Variants in TPRG1 observed in about 807,000 individuals in gnomAD.
TPRG1 encodes tumor protein p63 regulated 1, also known as tumor protein p63-regulated gene 1 protein.
In TPRG1, 29 loss-of-function variants were observed where a neutral mutation model predicts 29.3. The observed-to-expected ratio is 0.99, with a 90% CI of 0.74 to 1.35. The LOEUF is 1.35. TPRG1 is among the 40% of genes most tolerant of loss of function. The probability of loss-of-function intolerance (pLI) is 0.00; values close to 1 mark genes in which losing one functional copy is unlikely to be tolerated. For missense variants in TPRG1, 327 were observed against 335.0 expected, an observed-to-expected ratio of 0.98 and a Z score of 0.19; for synonymous variants, 130 against 116.8, an observed-to-expected ratio of 1.11 and a Z score of -0.73.
chr3:189,261,796 A>T (rs531454537), intron 4 of TPRG1, among the ~76,000 whole-genome samples: 1 of 152,338 alleles, frequency 6.6e-6, no homozygotes, highest in East Asian at 1.9e-4. Context: ...TTATTACGGG[A>T]TGAGCCAAAC....
intron 4 of TPRG1, among the ~76,000 whole-genome samples, chr3:189,309,584 C>T (rs1391434826): frequency 6.6e-6 from 1 of 152,144 alleles, no homozygotes; most frequent in Non-Finnish European, 1.5e-5. Context: ...TTCTGATGGA[C>T]ACATGCAAAA....
At chr3:189,016,037 G>A (rs1712915474) in intron 3 of TPRG1, among the ~76,000 whole-genome samples, 1 of 152,020 alleles carries the variant, frequency 6.6e-6, no homozygotes, top group Admixed American at 6.6e-5. Context: ...TCCAATAACA[G>A]CTTGCACCGT....
Position 189,320,774 on chromosome 3 carries a change from G to C in TPRG1, c.782G>C (p.Arg261Pro). The C allele has an allele frequency of 6.2e-7, 1 of 1,609,262 alleles. No homozygotes were observed. The highest frequency in any genetic ancestry group is 1.7e-4 in the Middle Eastern group (1 of 6,032). The change falls in exon 6 of 6, where the codon CGC (arginine) becomes CCC (proline). Residue 261 changes from arginine to proline, a missense_variant. By Grantham distance (103) the Arg-to-Pro change is moderately radical. Transcript: ENST00000345063. ...YTGLMSFIGN[R>P]NKLGYSLARG... ...GGGCTGATGTCATTCATTGGAAACC[G>C]CAACAAACTTGGCTATTCCCTTGCC...
At chr3:189,107,824 TC>T (rs1326787251) in intron 1 of TPRG1, among the ~76,000 whole-genome samples, 1 of 152,192 alleles carries the variant, frequency 6.6e-6, no homozygotes, top group Non-Finnish European at 1.5e-5. Context: ...AAATATGGTA[TC>T]ATTTATTTTT....
intron 2 of TPRG1, among the ~76,000 whole-genome samples, chr3:189,002,591 C>T (rs1240795892): frequency 3.3e-5 from 5 of 152,116 alleles, no homozygotes; most frequent in Non-Finnish European, 7.4e-5. Context: ...ATGCAGCATC[C>T]CAAATGCCTC....
rs543215510 is a variant in TPRG1 at position 189,028,182 on chromosome 3, C to T, written c.-463+4236C>T. On this transcript the variant is annotated intron_variant, in intron 4 of 10. Coordinates refer to the TPRG1 transcript ENST00000433971. ...TATATAATCGTACTCCATGACTTCA[C>T]GGATGGGGAAATTGAGGCCTAACTC... 6.6e-5 allele frequency among the ~76,000 whole-genome samples: 10 copies of T among 152,284 alleles called. 2 individuals are homozygous for T. The South Asian group carries it at 1.0e-3, about 16-fold the overall frequency.
At position 189,322,606 on chromosome 3, in the gene TPRG1, G is replaced by A. The variant is rs1452973139; in HGVS notation, c.*1786G>A. On this transcript the variant is annotated 3_prime_UTR_variant, in exon 6 of 6. Transcript: ENST00000345063. ...GCAAATTATTATAATACTGCTGCCC[G>A]AAAATCCCCATTTGCCTCAAGATAG... 3 of 152,512 alleles carry A rather than the reference G, an allele frequency of 2.0e-5. No homozygotes were observed. The highest frequency in any genetic ancestry group is 6.6e-5 in the Admixed American group (1 of 15,236). The allele number at this position is 152,512 out of a possible 1,614,324, so 9.4% of individuals were successfully genotyped here. A position where few individuals can be genotyped will look rare whatever the true frequency, so the allele number is the denominator to read the frequency against.
intron 1 of TPRG1, among the ~76,000 whole-genome samples, chr3:189,125,811 T>A (rs2108516533): frequency 7.7e-6 from 1 of 129,192 alleles, no homozygotes; most frequent in East Asian, 2.3e-4. Context: ...CTGCAGGGTG[T>A]TTTGTGTGTG....
chr3:189,294,990 A>G (rs1001183561), intron 4 of TPRG1, among the ~76,000 whole-genome samples: 2 of 152,212 alleles, frequency 1.3e-5, no homozygotes, highest in African/African-American at 4.8e-5. Flanking sequence ...GACAATGCTA[A>G]TTATTTACCT....
chr3:189,235,036 G>A (rs1560587107), intron 3 of TPRG1, among the ~76,000 whole-genome samples: 1 of 152,116 alleles, frequency 6.6e-6, no homozygotes, highest in Admixed American at 6.5e-5. Context: ...TGAATACAAG[G>A]ATCTGAAAGA....
At chr3:189,154,435 T>A (rs563066822) in intron 5 of TPRG1, among the ~76,000 whole-genome samples, 7 of 147,574 alleles carry the variant, frequency 4.7e-5, no homozygotes, top group Admixed American at 3.5e-4. Context: ...CATGGCCTCA[T>A]GCAGTGTACA....
At chr3:189,180,526 A>G (rs982406068) in intron 1 of TPRG1, among the ~76,000 whole-genome samples, 2 of 152,186 alleles carry the variant, frequency 1.3e-5, no homozygotes, top group Non-Finnish European at 2.9e-5. Context: ...TCCATGTCCA[A>G]AATCAAGCAG....
At chr3:189,144,645 T>G (rs144317892) in intron 3 of TPRG1, among the ~76,000 whole-genome samples, 23 of 152,360 alleles carry the variant, frequency 1.5e-4, no homozygotes, top group Admixed American at 3.9e-4. Context: ...ATGAGTTTCC[T>G]ACTGGTTTTT....
intron 4 of TPRG1, among the ~76,000 whole-genome samples, chr3:189,066,993 C>G (rs183915750): frequency 3.3e-5 from 5 of 152,062 alleles, no homozygotes; most frequent in Admixed American, 2.6e-4. Flanking sequence ...AAAAATCCAC[C>G]TACAAAATTT....
chr3:189,320,442 C>T (rs4687036), intron 5 of TPRG1, among the ~76,000 whole-genome samples, 184 bp from the exon 6 acceptor site: 1 of 151,878 alleles, frequency 6.6e-6, no homozygotes, highest in Non-Finnish European at 1.5e-5. Flanking sequence ...TCTTAATGGA[C>T]TTAAGCACAG....
chr3:189,019,035 C>A (rs534677125), intron 3 of TPRG1, among the ~76,000 whole-genome samples: 1 of 152,030 alleles, frequency 6.6e-6, no homozygotes, highest in Non-Finnish European at 1.5e-5. Context: ...CTCTGTTTGT[C>A]TGTTGTTGGT....
At chr3:189,281,086 T>A (rs191025910) in intron 4 of TPRG1, among the ~76,000 whole-genome samples, 101 of 152,340 alleles carry the variant, frequency 6.6e-4, no homozygotes, top group African/African-American at 2.2e-3. Context: ...AACCAAATGC[T>A]GTTAAAATGT....
Position 189,280,963 on chromosome 3 carries a change from C to A in TPRG1, c.480-29423C>A, listed in dbSNP as rs146367664. 3.3e-5 allele frequency among the ~76,000 whole-genome samples: 5 copies of A among 152,254 alleles called. No homozygotes were observed. In the East Asian group the frequency reaches 9.6e-4, roughly 29 times the overall value. On this transcript the variant is annotated intron_variant, in intron 4 of 5. Transcript: ENST00000345063. ...CATGAGATTCAGGAAAGGTGGTCTG[C>A]AGCCCCAGGAGAAGAATGATGGCAA...
At chr3:189,109,384 AATCGCTC>A (rs1291235227) in intron 1 of TPRG1, among the ~76,000 whole-genome samples, 6 of 152,210 alleles carry the variant, frequency 3.9e-5, no homozygotes, top group Non-Finnish European at 8.8e-5. Context: ...TACCAGATGT[AATCGCTC>A]ATATGTCCTG....
Sources: allele counts gnomAD v4.1 joint callset (sites outside exome capture counted in the v4.1 genomes callset), GRCh38; gene constraint gnomAD v4.1.1; transcripts MANE v1.5; gene names NCBI Gene and HGNC (gene_info 2026-07-23, HGNC 2026-07-21).